Variants in CYP4X1 observed in about 807,000 individuals in gnomAD.
CYP4X1 encodes cytochrome P450 family 4 subfamily X member 1.
Under a neutral mutation model 57.9 loss-of-function variants are expected in CYP4X1, and 44 were observed. That is an observed-to-expected ratio of 0.76 (90% CI 0.60 to 0.98). The LOEUF (loss-of-function observed/expected upper bound fraction) is 0.98. Ranked by LOEUF, CYP4X1 falls within the 50% of genes least tolerant of loss-of-function variation. The pLI is 0.00. For missense variants in CYP4X1, 532 were observed against 623.9 expected, an observed-to-expected ratio of 0.85 and a Z score of 1.57; for synonymous variants, 227 against 228.6, an observed-to-expected ratio of 0.99 and a Z score of 0.06.
the CYP4X1 span, among the ~76,000 whole-genome samples, chr1:46,980,202 T>C: frequency 1.3e-5 from 2 of 152,338 alleles, no homozygotes; most frequent in South Asian, 4.1e-4. Flanking sequence ...TGTTTGCAGT[T>C]GACATGATTT....
the CYP4X1 span, among the ~76,000 whole-genome samples, chr1:47,007,266 C>A: frequency 7.2e-5 from 11 of 152,334 alleles, no homozygotes; most frequent in South Asian, 2.3e-3. Context: ...ATTTGCTGTT[C>A]ACCAACATCC....
chr1:47,053,229 C>T (rs1470563337), downstream of CYP4X1, among the ~76,000 whole-genome samples: 1 of 152,038 alleles, frequency 6.6e-6, no homozygotes, highest in Non-Finnish European at 1.5e-5. Flanking sequence ...CATCCATGTC[C>T]CTACAAAGGA....
chr1:46,996,577 A>G, the CYP4X1 span, among the ~76,000 whole-genome samples: 1 of 152,240 alleles, frequency 6.6e-6, no homozygotes, highest in Non-Finnish European at 1.5e-5. Context: ...TAAGAGTATA[A>G]CAAAGTAATA....
Position 47,030,251 on chromosome 1 carries a change from A to T in CYP4X1, c.319+120A>T, listed in dbSNP as rs1400983022. 6 of 1,273,776 alleles carry T rather than the reference A, an allele frequency of 4.7e-6. No homozygotes were observed. The African/African-American group carries it at 7.4e-5, about 16-fold the overall frequency. 78.9% of individuals were successfully genotyped at this position (1,273,776 alleles called of 1,614,324 possible). A position where few individuals can be genotyped will look rare whatever the true frequency, so the allele number is the denominator to read the frequency against. ...GCCTTTAAGAGACACAGCAGCAAGT[A>T]TGGGGAGGTGACAGGTTTCCTACCA... On this transcript the variant is annotated intron_variant, in intron 2 of 11. Transcript: ENST00000371901.
intron 8 of CYP4X1, among the ~76,000 whole-genome samples, chr1:47,046,060 T>C (rs1042945541): frequency 2.0e-5 from 3 of 152,230 alleles, no homozygotes; most frequent in Non-Finnish European, 4.4e-5. Flanking sequence ...GGAAGCACCC[T>C]TCCTTTTCCA....
At chr1:47,045,561 G>T (rs1370645083) in intron 8 of CYP4X1, among the ~76,000 whole-genome samples, 1 of 152,042 alleles carries the variant, frequency 6.6e-6, no homozygotes, top group East Asian at 1.9e-4. Context: ...TACTTCTTTG[G>T]TCCTAGAAGC....
chr1:47,036,986 A>G lies in CYP4X1; in HGVS notation c.775+815A>G, dbSNP rs577717823. On this transcript the variant is annotated intron_variant, in intron 6 of 11. Transcript: ENST00000371901. ...ATGCATACATGCACATAGATATTAT[A>G]AAGAGGACACTCAGAGAAGCAGGTT... is the stretch of plus-strand genomic sequence containing the variant. 5.9e-5 allele frequency among the ~76,000 whole-genome samples: 9 copies of G among 152,316 alleles called. No individual in the cohort carries two copies. In the South Asian group the frequency reaches 1.9e-3, roughly 32 times the overall value.
the CYP4X1 span, among the ~76,000 whole-genome samples, chr1:46,982,170 T>C: frequency 6.6e-6 from 1 of 152,176 alleles, no homozygotes; most frequent in Non-Finnish European, 1.5e-5. Flanking sequence ...AATAAAATTA[T>C]TGTACTATGT....
the CYP4X1 span, chr1:46,961,694 C>G: frequency 2.3e-6 from 3 of 1,294,138 alleles, no homozygotes; most frequent in East Asian, 1.1e-4. Flanking sequence ...TTTGACCCAA[C>G]CAACTTCTTC....
chr1:47,003,768 C>G, the CYP4X1 span, among the ~76,000 whole-genome samples: 1 of 152,180 alleles, frequency 6.6e-6, no homozygotes, highest in Non-Finnish European at 1.5e-5. Context: ...CCAAACACCT[C>G]CCGCCAGGAC....
In CYP4X1 at chr1:47,033,285, C is replaced by T. The variant is rs754528907; in HGVS notation, c.409C>T (p.Arg137Cys). 1.1e-5 allele frequency: 17 copies of T among 1,613,618 alleles called. No homozygotes were observed. Among genetic ancestry groups the T allele is most frequent in the East Asian group, 8.9e-5 (4 of 44,888 alleles). The part of the protein sequence containing the change: ...ALDGPKWFQH[R>C]RLLTPGFHFN... ...AGACGGACCCAAGTGGTTCCAGCAT[C>T]GTCGCCTACTAACTCCTGGATTCCA... Residue 137 changes from arginine to cysteine, a missense_variant, in exon 4 of 12, where the codon CGT (arginine) becomes TGT (cysteine). By Grantham distance (180) the Arg-to-Cys change is radical. Transcript: ENST00000371901.
rs188593334 is a variant in CYP4X1 at position 47,046,791 on chromosome 1, C to G, written c.1207+191C>G. Among the ~76,000 whole-genome samples, 71 of 152,228 alleles carry G rather than the reference C, an allele frequency of 4.7e-4. 1 individual carries two copies. The highest frequency in any genetic ancestry group is 9.0e-4 in the Non-Finnish European group (61 of 68,012). ...CAGACATGAATTTCAATGACTTTCC[C>G]AAAGGCACATAGCCAGTTGCAGCAA... On this transcript the variant is annotated intron_variant, in intron 9 of 11. Transcript: ENST00000371901.
the CYP4X1 span, among the ~76,000 whole-genome samples, chr1:46,965,749 G>A: frequency 1.3e-5 from 2 of 152,380 alleles, no homozygotes; most frequent in East Asian, 3.9e-4. Context: ...CTGCATTGCA[G>A]CAGGGGTCCT....
At chr1:46,974,028 TCTTTTAA>T in the CYP4X1 span, among the ~76,000 whole-genome samples, 6 of 152,238 alleles carry the variant, frequency 3.9e-5, no homozygotes, top group Admixed American at 3.9e-4. Flanking sequence ...TAATTTCAGA[TCTTTTAA>T]CTTTTTCATG....
intron 7 of CYP4X1, 118 bp from the exon 8 acceptor site, chr1:47,039,224 T>G: frequency 3.4e-6 from 3 of 894,108 alleles, no homozygotes; most frequent in Non-Finnish European, 4.9e-6. Flanking sequence ...TGAACTGAAT[T>G]AAAATTTAAA....
the CYP4X1 span, among the ~76,000 whole-genome samples, chr1:46,961,916 G>A: frequency 6.6e-6 from 1 of 152,136 alleles, no homozygotes; most frequent in Non-Finnish European, 1.5e-5. Flanking sequence ...CAGAGAAGGG[G>A]AGAGGAGAGC....
chr1:46,996,638 T>C, the CYP4X1 span, among the ~76,000 whole-genome samples: 2 of 152,140 alleles, frequency 1.3e-5, no homozygotes, highest in Non-Finnish European at 2.9e-5. Flanking sequence ...TCTTAGAAAA[T>C]TGTCCTTGTG....
chr1:46,999,377 G>A, the CYP4X1 span, among the ~76,000 whole-genome samples: 4 of 152,098 alleles, frequency 2.6e-5, no homozygotes, highest in East Asian at 7.7e-4. Context: ...TATAGTAGTC[G>A]CTGAGGATCT....
the CYP4X1 span, among the ~76,000 whole-genome samples, chr1:46,964,697 T>G: frequency 1.3e-5 from 2 of 152,188 alleles, no homozygotes; most frequent in Admixed American, 1.3e-4. Flanking sequence ...GGGACCCACT[T>G]GAGGTGGCAG....
Sources: gnomAD v4.1 joint callset for allele counts (sites outside exome capture counted in the v4.1 genomes callset) on GRCh38, gnomAD v4.1.1 for gene constraint, MANE v1.5 for transcripts, NCBI Gene and HGNC (gene_info 2026-07-23, HGNC 2026-07-21) for gene names.